The following RUFY2 variants were observed in gnomAD, a reference collection of about 807,000 sequenced individuals.
The protein encoded by RUFY2 is RUN and FYVE domain-containing protein 2.
RUFY2 carries 49 observed loss-of-function variants against 94.4 expected under a neutral mutation model. The ratio of observed to expected loss-of-function variants is 0.52; its 90% CI spans 0.41 to 0.66. RUFY2 has a LOEUF of 0.66. Ranked by LOEUF, RUFY2 falls within the 30% of genes least tolerant of loss-of-function variation. The pLI, the probability that RUFY2 is intolerant of heterozygous loss-of-function variation, is 0.00. For missense variants in RUFY2, 541 were observed against 692.8 expected (o/e 0.78, Z 2.46); for synonymous variants, 255 against 235.7 (o/e 1.08, Z -0.75).
At chr10:68,405,818 C>CA in intron 1 of RUFY2, 1 of 501,724 alleles carries the variant, frequency 2.0e-6, no homozygotes, top group Non-Finnish European at 2.6e-6. Context: ...TAATGTTCCT[C>CA]ACCCATCCAC....
chr10:68,397,312 T>A (rs979807125), intron 3 of RUFY2, among the ~76,000 whole-genome samples: 23 of 152,348 alleles, frequency 1.5e-4, no homozygotes, highest in Middle Eastern at 6.8e-3. Context: ...TGTTAACTAT[T>A]TGTGTATCTA....
At chr10:68,372,583 TAAAAA>T (rs770098226) in intron 13 of RUFY2, among the ~76,000 whole-genome samples, 33 of 96,368 alleles carry the variant, frequency 3.4e-4, no homozygotes, top group African/African-American at 1.3e-3. Flanking sequence ...CCTCTCTCTT[TAAAAA>T]AAAAAAAAAA....
At chr10:68,341,907 G>GT, downstream of RUFY2, 1 of 1,591,554 alleles carries the variant, frequency 6.3e-7, no homozygotes, top group South Asian at 1.1e-5. Flanking sequence ...AAACTTTAAA[G>GT]TGCAGGTATT....
In RUFY2 at chr10:68,349,518, A is replaced by G. The variant is rs190088164; in HGVS notation, c.1600-3434T>C. ...CCTGGACAACAGAGACACTGTCTCT[A>G]AAAAAATTTTTTTTTAAAGAAAAAA... On this transcript the variant is annotated intron_variant, in intron 16 of 17. Transcript: ENST00000602465. 4.2e-4 allele frequency among the ~76,000 whole-genome samples: 64 copies of G among 152,032 alleles called. No individual in the cohort carries two copies. The South Asian group carries it at 4.4e-3, about 10-fold the overall frequency.
At chr10:68,376,605 G>A (rs934662207) in intron 13 of RUFY2, among the ~76,000 whole-genome samples, 5 of 149,614 alleles carry the variant, frequency 3.3e-5, no homozygotes, top group African/African-American at 1.2e-4. Flanking sequence ...ACAGAAGAAT[G>A]AATAAAACTC....
chr10:68,355,447 A>G (rs762756133), intron 15 of RUFY2, 46 bp from the exon 16 acceptor site: 1 of 1,180,124 alleles, frequency 8.5e-7, no homozygotes, highest in East Asian at 2.4e-5. Flanking sequence ...ACATATTTAA[A>G]TATAGAACAC....
At chr10:68,390,316 C>T (rs2049878977) in intron 7 of RUFY2, among the ~76,000 whole-genome samples, 1 of 152,070 alleles carries the variant, frequency 6.6e-6, no homozygotes, top group Non-Finnish European at 1.5e-5. Context: ...GATTATAATA[C>T]ATATTCACTG....
intron 1 of RUFY2, chr10:68,405,414 G>A (rs923412666): frequency 4.3e-6 from 4 of 931,514 alleles, no homozygotes; most frequent in African/African-American, 1.8e-5. Context: ...CTGCAAATCT[G>A]CCATTCTCCT....
chr10:68,369,661 C>T (rs970102078), intron 13 of RUFY2, among the ~76,000 whole-genome samples: 3 of 152,134 alleles, frequency 2.0e-5, no homozygotes, highest in Non-Finnish European at 4.4e-5. Flanking sequence ...GTGGCTGACA[C>T]CTGTAATCCA....
chr10:68,403,719 A>T (rs1564858501), intron 2 of RUFY2, among the ~76,000 whole-genome samples: 1 of 152,196 alleles, frequency 6.6e-6, no homozygotes, highest in Non-Finnish European at 1.5e-5. Context: ...GGATTTCTCA[A>T]ATTTTGATGT....
At chr10:68,387,483 C>A (rs1295632518) in intron 7 of RUFY2, among the ~76,000 whole-genome samples, 2 of 152,092 alleles carry the variant, frequency 1.3e-5, no homozygotes, top group Non-Finnish European at 2.9e-5. Flanking sequence ...AAATTTTATA[C>A]CAGCCTCAGA....
chr10:68,385,566 C>CGGTA (rs2049432306), intron 8 of RUFY2, among the ~76,000 whole-genome samples: 3 of 151,708 alleles, frequency 2.0e-5, no homozygotes, highest in Non-Finnish European at 4.4e-5. Context: ...AAGAGAGGGA[C>CGGTA]GGTATCATTT....
intron 10 of RUFY2, 52 bp from the exon 11 acceptor site, chr10:68,381,451 T>C: frequency 1.3e-6 from 2 of 1,529,242 alleles, no homozygotes; most frequent in Non-Finnish European, 1.8e-6. Context: ...ATGTAAAAAT[T>C]AGATATACTT....
chr10:68,362,323 C>T lies in RUFY2; in HGVS notation c.1550+1267G>A, dbSNP rs1048982063. 2.0e-5 allele frequency among the ~76,000 whole-genome samples: 3 copies of T among 151,700 alleles called. No individual in the cohort carries two copies. The South Asian group carries it at 6.3e-4, about 32-fold the overall frequency. ...AGCCTGGGCAACTTGAGAGCAAGAC[C>T]TTGTCTCAAAACAAATAAAAATAAA... On this transcript the variant is annotated intron_variant, in intron 15 of 17. Transcript: ENST00000602465.
intron 14 of RUFY2, 150 bp from the exon 15 acceptor site, chr10:68,363,834 A>T: frequency 1.2e-6 from 1 of 826,902 alleles, no homozygotes; most frequent in East Asian, 2.7e-5. Flanking sequence ...CTGCTGTATC[A>T]ACTATTTTCC....
chr10:68,398,126 CAAAAAAAA>C (rs377600173), intron 3 of RUFY2, among the ~76,000 whole-genome samples: 5 of 65,044 alleles, frequency 7.7e-5, no homozygotes, highest in Non-Finnish European at 1.0e-4. Flanking sequence ...GATTTGTTCT[CAAAAAAAA>C]AAAAAAAAAA....
intron 1 of RUFY2, chr10:68,406,801 G>A: frequency 6.2e-7 from 1 of 1,612,084 alleles, no homozygotes; most frequent in Non-Finnish European, 8.5e-7. Context: ...CTCGGCGTCA[G>A]GCACCCAGGC....
At chr10:68,373,727 G>T (rs1175204202) in intron 13 of RUFY2, among the ~76,000 whole-genome samples, 1 of 152,018 alleles carries the variant, frequency 6.6e-6, no homozygotes, top group African/African-American at 2.4e-5. Flanking sequence ...AGCTATAATG[G>T]CACCACTATA....
intron 1 of RUFY2, 85 bp downstream of exon 1, chr10:68,407,101 C>T (rs2051387491): frequency 2.0e-6 from 3 of 1,515,786 alleles, no homozygotes; most frequent in Non-Finnish European, 2.6e-6. Context: ...CGGCGTCTCC[C>T]CCAGCTCCCA....
Sources: allele counts gnomAD v4.1 joint callset (sites outside exome capture counted in the v4.1 genomes callset), GRCh38; gene constraint gnomAD v4.1.1; transcripts MANE v1.5; gene names NCBI Gene and HGNC (gene_info 2026-07-23, HGNC 2026-07-21).